QTMAN: variants seen among roughly 807,000 people sequenced by gnomAD.
QTMAN encodes the protein tRNA-queuosine alpha-mannosyltransferase.
chr2:144,133,150 TA>T, the QTMAN span, among the ~76,000 whole-genome samples: 108 of 38,436 alleles, frequency 2.8e-3, no homozygotes, highest in African/African-American at 8.6e-3. Flanking sequence ...TATATATATA[TA>T]ATATAATATA....
the QTMAN span, among the ~76,000 whole-genome samples, chr2:144,320,192 G>T: frequency 6.6e-6 from 1 of 152,150 alleles, no homozygotes; most frequent in South Asian, 2.1e-4. Context: ...ATTTAGGTAT[G>T]CTTCTACAGC....
chr2:144,309,337 A>G, the QTMAN span, among the ~76,000 whole-genome samples: 2 of 151,466 alleles, frequency 1.3e-5, no homozygotes, highest in East Asian at 1.9e-4. Context: ...AGTGTCATTC[A>G]CTATAGGCAA....
the QTMAN span, among the ~76,000 whole-genome samples, chr2:144,014,903 G>C: frequency 6.6e-5 from 10 of 151,992 alleles, no homozygotes; most frequent in Non-Finnish European, 1.5e-4. Context: ...TATACCATTT[G>C]CTTATATGGC....
the QTMAN span, among the ~76,000 whole-genome samples, chr2:143,958,787 T>C: frequency 1.5e-4 from 22 of 149,814 alleles, no homozygotes; most frequent in African/African-American, 4.4e-4. Flanking sequence ...TCTTTCTTTT[T>C]TTTTTTTTTT....
chr2:143,957,252 A>G, the QTMAN span: 1 of 1,612,852 alleles, frequency 6.2e-7, no homozygotes, highest in East Asian at 2.2e-5. Context: ...AGCCATGCAC[A>G]GTACTTGGAA....
chr2:144,208,837 C>T, the QTMAN span: 1 of 1,223,454 alleles, frequency 8.2e-7, no homozygotes, highest in Non-Finnish European at 1.1e-6. Flanking sequence ...ATATTTTTTC[C>T]ATTACATACA....
chr2:144,106,935 A>T, the QTMAN span, among the ~76,000 whole-genome samples: 1 of 152,238 alleles, frequency 6.6e-6, no homozygotes, highest in Non-Finnish European at 1.5e-5. Context: ...TCAAACTAGA[A>T]ATCAGGATTA....
the QTMAN span, among the ~76,000 whole-genome samples, chr2:144,109,181 T>C: frequency 1.3e-5 from 2 of 152,206 alleles, no homozygotes. Flanking sequence ...AGCATGGTAC[T>C]GGTACCAAAA....
the QTMAN span, among the ~76,000 whole-genome samples, chr2:144,158,346 G>A: frequency 1.3e-5 from 2 of 151,950 alleles, no homozygotes; most frequent in Non-Finnish European, 2.9e-5. Flanking sequence ...TACCCAAAAT[G>A]ATTTTGGATA....
chr2:144,118,635 G>A, the QTMAN span, among the ~76,000 whole-genome samples: 1 of 152,166 alleles, frequency 6.6e-6, no homozygotes, highest in East Asian at 1.9e-4. Flanking sequence ...TGTAATCCCA[G>A]CACTTTGGGA....
the QTMAN span, among the ~76,000 whole-genome samples, chr2:144,008,333 T>C: frequency 3.3e-5 from 5 of 151,904 alleles, no homozygotes; most frequent in African/African-American, 1.2e-4. Context: ...AGTTTTTTTT[T>C]AATGGAGGGG....
chr2:144,219,284 C>G, the QTMAN span, among the ~76,000 whole-genome samples: 1 of 152,096 alleles, frequency 6.6e-6, no homozygotes, highest in African/African-American at 2.4e-5. Context: ...GCACGCACCA[C>G]CATGCTTGGC....
chr2:144,204,280 G>A, the QTMAN span, among the ~76,000 whole-genome samples: 2 of 152,068 alleles, frequency 1.3e-5, no homozygotes, highest in Non-Finnish European at 2.9e-5. Flanking sequence ...AATCTACAAT[G>A]AACTCAAACA....
chr2:144,137,983 T>A, the QTMAN span, among the ~76,000 whole-genome samples: 2 of 152,116 alleles, frequency 1.3e-5, no homozygotes, highest in African/African-American at 4.8e-5. Flanking sequence ...AGGATAATTA[T>A]CTCAGTGTTG....
At chr2:143,970,526 G>T in the QTMAN span, 1 of 675,772 alleles carries the variant, frequency 1.5e-6, no homozygotes, top group Non-Finnish European at 2.7e-6. Flanking sequence ...TAATGCCATC[G>T]TATAATCTTT....
At chr2:144,116,386 C>T in the QTMAN span, among the ~76,000 whole-genome samples, 1 of 151,854 alleles carries the variant, frequency 6.6e-6, no homozygotes, top group African/African-American at 2.4e-5. Flanking sequence ...ATTTTTTAAT[C>T]ATCCTAATTC....
At chr2:144,237,069 C>T in the QTMAN span, among the ~76,000 whole-genome samples, 1 of 152,126 alleles carries the variant, frequency 6.6e-6, no homozygotes, top group Non-Finnish European at 1.5e-5. Context: ...GTGCTGAGGA[C>T]TCAGCAGTGA....
the QTMAN span, among the ~76,000 whole-genome samples, chr2:144,023,460 C>G: frequency 1.3e-5 from 2 of 152,210 alleles, no homozygotes; most frequent in East Asian, 3.8e-4. Context: ...GACCTTTTAA[C>G]ATTCTATGGC....
chr2:144,162,893 A>C, the QTMAN span, among the ~76,000 whole-genome samples: 1 of 152,172 alleles, frequency 6.6e-6, no homozygotes, highest in Admixed American at 6.5e-5. Flanking sequence ...GCATCAGTGG[A>C]CCTGACTGTG....
Sources: gnomAD v4.1 joint callset for allele counts (sites outside exome capture counted in the v4.1 genomes callset) on GRCh38, gnomAD v4.1.1 for gene constraint, MANE v1.5 for transcripts, NCBI Gene and HGNC (gene_info 2026-07-23, HGNC 2026-07-21) for gene names.